Variants in OPCML observed in about 807,000 individuals in gnomAD.
OPCML encodes opioid binding protein/cell adhesion molecule like, also known as opioid-binding protein/cell adhesion molecule.
In OPCML, 13 loss-of-function variants were observed where a neutral mutation model predicts 37.8. That is an observed-to-expected ratio of 0.34 (90% CI 0.22 to 0.55). OPCML has a LOEUF of 0.55. Among genes scored for constraint, OPCML ranks in the 20% least tolerant of loss-of-function variants. The pLI is 0.91. For synonymous variants in OPCML, 176 were observed against 168.8 expected, an observed-to-expected ratio of 1.04 and a Z score of -0.33; for missense variants, 341 against 435.6, an observed-to-expected ratio of 0.78 and a Z score of 1.93.
At chr11:133,254,381 A>C (rs1941245087) in intron 1 of OPCML, among the ~76,000 whole-genome samples, 1 of 152,224 alleles carries the variant, frequency 6.6e-6, no homozygotes. Context: ...ATTTATGTGA[A>C]TAGTCAGGAT....
At chr11:132,873,366 A>G (rs1427421919) in intron 2 of OPCML, among the ~76,000 whole-genome samples, 5 of 152,182 alleles carry the variant, frequency 3.3e-5, no homozygotes, top group Non-Finnish European at 7.3e-5. Flanking sequence ...CAGGTAAACC[A>G]TTTCAGTTAT....
At position 132,687,399 on chromosome 11, in the gene OPCML, T is replaced by C. The variant is rs1365262219; in HGVS notation, c.147-30080A>G. Among the ~76,000 whole-genome samples the C allele has an allele frequency of 5.4e-5, 5 of 91,850 alleles. No homozygotes were observed. The East Asian group carries it at 8.9e-4, about 16-fold the overall frequency. The allele number at this position is 91,850 out of a possible 152,430, so 60.3% of individuals were successfully genotyped here. ...ATATATATATATATATATATATATA[T>C]ATATATATATATATATATATATATA... On this transcript the variant is annotated intron_variant, in intron 2 of 7. Coordinates refer to ENST00000524381, the MANE Select transcript of OPCML (RefSeq NM_001012393.5).
At chr11:132,879,128 A>G (rs946639922) in intron 2 of OPCML, among the ~76,000 whole-genome samples, 14 of 152,226 alleles carry the variant, frequency 9.2e-5, no homozygotes, top group African/African-American at 3.4e-4. Context: ...TTTGGAGACA[A>G]ATGTCTAAAA....
At chr11:132,721,585 C>G (rs759256779) in intron 2 of OPCML, among the ~76,000 whole-genome samples, 2 of 152,058 alleles carry the variant, frequency 1.3e-5, no homozygotes. Context: ...AGAAGTGTTA[C>G]GATTCAGCTG....
intron 1 of OPCML, among the ~76,000 whole-genome samples, chr11:133,227,052 G>A (rs914945966): frequency 2.0e-5 from 3 of 152,166 alleles, no homozygotes; most frequent in Non-Finnish European, 2.9e-5. Flanking sequence ...GTGTCAGCTC[G>A]AACCTGTTTC....
At chr11:133,214,275 C>T (rs1050713039) in intron 1 of OPCML, among the ~76,000 whole-genome samples, 1 of 152,096 alleles carries the variant, frequency 6.6e-6, no homozygotes, top group African/African-American at 2.4e-5. Flanking sequence ...CGATATCTAT[C>T]TAACGTCATT....
In OPCML at chr11:133,066,655, GTTGTTGT is replaced by G. The variant is rs1469710321; in HGVS notation, c.62-123652_62-123646del. On this transcript the variant is annotated intron_variant, in intron 1 of 7. Transcript: ENST00000524381. ...GTTCTGTCTCCCATGTCCCTGCGAA[GTTGTTGT>G]TTGTTGTTTGTTTTTGTTTTGTTTT... 2.6e-5 allele frequency: 4 copies of G among 153,130 alleles called. No individual in the cohort carries two copies. In the East Asian group the frequency reaches 5.8e-4, roughly 22 times the overall value. 9.5% of individuals were successfully genotyped at this position (153,130 alleles called of 1,614,324 possible).
chr11:133,077,197 G>A (rs903172338), intron 1 of OPCML, among the ~76,000 whole-genome samples: 6 of 151,874 alleles, frequency 4.0e-5, no homozygotes, highest in African/African-American at 1.5e-4. Flanking sequence ...CTGGATATCA[G>A]GAGGGCTGGG....
chr11:133,100,301 G>C (rs1283855879), intron 1 of OPCML, among the ~76,000 whole-genome samples: 1 of 152,154 alleles, frequency 6.6e-6, no homozygotes, highest in East Asian at 1.9e-4. Flanking sequence ...ATCTGCACAA[G>C]TACCCCTTGA....
intron 1 of OPCML, among the ~76,000 whole-genome samples, chr11:133,215,205 A>AGT (rs1555116219): frequency 0.015 from 2,336 of 151,486 alleles, 52 homozygotes; most frequent in African/African-American, 0.053. Context: ...AGAGAGAGAG[A>AGT]GTGTGTGTGT....
rs184165477 is a variant in OPCML, at chr11:133,351,270, A to T, written c.61+180994T>A. Among the ~76,000 whole-genome samples the T allele has an allele frequency of 2.2e-3, 341 of 152,180 alleles. 2 individuals are homozygous for T. Among genetic ancestry groups the T allele is most frequent in the African/African-American group, 7.9e-3 (330 of 41,516 alleles). On this transcript the variant is annotated intron_variant, in intron 1 of 7. Coordinates refer to ENST00000524381, the MANE Select transcript of OPCML (RefSeq NM_001012393.5). ...ATATTCTCCATCTCTCTCCTTTCTC[A>T]TGTCCCATTCCCTTATCAAGTCACT... is the stretch of plus-strand genomic sequence containing the variant.
chr11:132,698,025 TATTG>T (rs1396773102), intron 2 of OPCML, among the ~76,000 whole-genome samples: 2 of 126,358 alleles, frequency 1.6e-5, no homozygotes, highest in African/African-American at 6.0e-5. Flanking sequence ...TTTATTTATT[TATTG>T]TAGAGATGGG....
intron 4 of OPCML, among the ~76,000 whole-genome samples, chr11:132,441,051 G>A (rs2096030895): frequency 6.6e-6 from 1 of 151,906 alleles, no homozygotes; most frequent in South Asian, 2.1e-4. Context: ...GGAGGAACAG[G>A]ATAGGATAGG....
intron 4 of OPCML, among the ~76,000 whole-genome samples, chr11:132,500,875 G>C (rs1305076443): frequency 1.3e-5 from 2 of 152,132 alleles, no homozygotes; most frequent in African/African-American, 4.8e-5. Flanking sequence ...CCCTGCAAAG[G>C]ACATGAACTT....
intron 4 of OPCML, among the ~76,000 whole-genome samples, chr11:132,499,395 G>T (rs941244122): frequency 3.9e-5 from 6 of 152,158 alleles, no homozygotes; most frequent in African/African-American, 1.4e-4. Context: ...AGCTGGAGGG[G>T]TCTTGCCTCA....
chr11:133,521,567 T>G (rs1258555854), intron 1 of OPCML, among the ~76,000 whole-genome samples: 1 of 152,172 alleles, frequency 6.6e-6, no homozygotes, highest in Non-Finnish European at 1.5e-5. Flanking sequence ...CAGAAAAACA[T>G]GCAAAATCCT....
At chr11:132,468,001 A>C (rs1271478555) in intron 4 of OPCML, among the ~76,000 whole-genome samples, 2 of 152,186 alleles carry the variant, frequency 1.3e-5, no homozygotes, top group Non-Finnish European at 2.9e-5. Context: ...CCACGCTGAC[A>C]AACCTACAGT....
At chr11:132,855,545 T>C (rs928303645) in intron 2 of OPCML, among the ~76,000 whole-genome samples, 1 of 152,196 alleles carries the variant, frequency 6.6e-6, no homozygotes, top group African/African-American at 2.4e-5. Context: ...ATTTCATTTC[T>C]CCCGGGTTAA....
Position 132,535,340 on chromosome 11 carries a change from G to T in OPCML, c.380-6154C>A, listed in dbSNP as rs1016586312. 6.6e-5 allele frequency among the ~76,000 whole-genome samples: 10 copies of T among 152,092 alleles called. No individual in the cohort carries two copies. The East Asian group carries it at 1.6e-3, about 24-fold the overall frequency. ...TGGCTTTTAAAATGTTTTCTTTTAG[G>T]GGGTGTCTGTTTCTAGAAGGAACAG... On this transcript the variant is annotated intron_variant, in intron 3 of 7. Coordinates refer to ENST00000524381, the MANE Select transcript of OPCML (RefSeq NM_001012393.5).
Sources: allele counts gnomAD v4.1 joint callset (sites outside exome capture counted in the v4.1 genomes callset), GRCh38; gene constraint gnomAD v4.1.1; transcripts MANE v1.5; gene names NCBI Gene and HGNC (gene_info 2026-07-23, HGNC 2026-07-21).